B3GNT7: variants seen among roughly 807,000 people sequenced by gnomAD.
B3GNT7 encodes BGnT-7.
B3GNT7 carries 9 observed loss-of-function variants against 5.1 expected under a neutral mutation model. That is an observed-to-expected ratio of 1.77 (90% CI 1.07 to 3.09). The LOEUF is 3.09. B3GNT7 is among the 30% of genes most tolerant of loss of function. The pLI, the probability that B3GNT7 is intolerant of heterozygous loss-of-function variation, is 0.00. For synonymous variants in B3GNT7, 253 were observed against 248.6 expected (o/e 1.02, Z -0.17); for missense variants, 468 against 550.8 (o/e 0.85, Z 1.50).
In B3GNT7 at chr2:231,400,763, C is replaced by A. The variant is rs568648206; in HGVS notation, c.*1838C>A. 1 of 152,188 alleles carries A rather than the reference C, an allele frequency of 6.6e-6. No homozygotes were observed. Among genetic ancestry groups the A allele is most frequent in the Non-Finnish European group, 1.5e-5 (1 of 68,036 alleles). The allele number at this position is 152,188 out of a possible 1,614,324, so 9.4% of individuals were successfully genotyped here. A position where few individuals can be genotyped will look rare whatever the true frequency, so the allele number is the denominator to read the frequency against. On this transcript the variant is annotated 3_prime_UTR_variant, in exon 2 of 2. Transcript: ENST00000287590. ...GTTGTCCTTCCCAGCTTCTCCCCAACCTCCCCTTTTCCCTAGTTTATAAGA... is the reference window on the plus strand; with the variant it reads ...GTTGTCCTTCCCAGCTTCTCCCCAAACTCCCCTTTTCCCTAGTTTATAAGA...
chr2:231,397,198 G>A (rs747546503), intron 1 of B3GNT7: 579 of 985,614 alleles, frequency 5.9e-4, no homozygotes, highest in Middle Eastern at 1.0e-3. Flanking sequence ...GCTCCCGGGC[G>A]GCACAGAGGA....
At position 231,398,638 on chromosome 2, in the gene B3GNT7, G is replaced by T; in HGVS notation, c.919G>T (p.Gly307Cys). ...AGGCGGCGGTGGCTTCCTCATGGCC[G>T]GCAGCCTGGCCCGGCGCCTGCACCA... is the stretch of plus-strand genomic sequence containing the variant. ...YAGGGGFLMA[G>C]SLARRLHHAC... The change falls in exon 2 of 2, where the codon GGC becomes TGC. Residue 307 changes from glycine (G) to cysteine (C), a missense_variant. By Grantham distance (159) the Gly-to-Cys change is radical (BLOSUM62 -3). Transcript: ENST00000287590. 1.2e-6 allele frequency: 2 copies of T among 1,612,016 alleles called. No homozygotes were observed. The highest frequency in any genetic ancestry group is 1.7e-6 in the Non-Finnish European group (2 of 1,179,592).
chr2:231,398,808 G>A lies in B3GNT7; in HGVS notation c.1089G>A (p.Glu363=). ...ACCGCAACAGCCGCATGAACAAGGA[G>A]CCGTGCTTTTTCCGCGCCATGCTCG... ...SRNRNSRMNK[E]PCFFRAMLVV... The change falls in exon 2 of 2, where the codon GAG becomes GAA. Residue 363 remains glutamate, a synonymous_variant. Coordinates refer to ENST00000287590, the MANE Select transcript of B3GNT7 (RefSeq NM_145236.3). The A allele has an allele frequency of 1.9e-6, 3 of 1,605,598 alleles. No individual in the cohort carries two copies. The highest frequency in any genetic ancestry group is 2.5e-6 in the Non-Finnish European group (3 of 1,179,842).
chr2:231,398,797 AT>A lies in B3GNT7; in HGVS notation c.1079del (p.Met360ArgfsTer57). On this transcript the variant is annotated frameshift_variant, in exon 2 of 2. Transcript: ENST00000287590. LOFTEE classifies it high-confidence loss of function. Reference sequence around the variant, plus strand: ...CATCTCCCGGAACCGCAACAGCCGCATGAACAAGGAGCCGTGCTTTTTCCGC... The same window carrying A: ...CATCTCCCGGAACCGCAACAGCCGCAGAACAAGGAGCCGTGCTTTTTCCGC... ...FGISRNRNSRMNKEPCFFRAM... is the reference protein window; with the variant it reads ...FGISRNRNSRXNKEPCFFRAM... 1 of 1,606,406 alleles carries A rather than the reference AT, an allele frequency of 6.2e-7. No individual in the cohort carries two copies. Among genetic ancestry groups the A allele is most frequent in the Non-Finnish European group, 8.5e-7 (1 of 1,179,840 alleles).
rs2046550716 is a variant in B3GNT7 at position 231,400,079 on chromosome 2, T to G, written c.*1154T>G. The G allele has an allele frequency of 6.7e-6, 1 of 149,368 alleles. No homozygotes were observed. Among genetic ancestry groups the G allele is most frequent in the Admixed American group, 6.7e-5 (1 of 14,948 alleles). The allele number at this position is 149,368 out of a possible 1,614,324, so 9.3% of individuals were successfully genotyped here. On this transcript the variant is annotated 3_prime_UTR_variant, in exon 2 of 2. Transcript: ENST00000287590. ...AAAGATGGAGGGATTGACACTATTT[T>G]CTCAATAAAATGGGACTTTTTTTTT...
chr2:231,399,136 T>G lies in B3GNT7; in HGVS notation c.*211T>G. The G allele has an allele frequency of 1.7e-6, 1 of 585,778 alleles. No individual in the cohort carries two copies. The highest frequency in any genetic ancestry group is 3.0e-6 in the Non-Finnish European group (1 of 331,860). 36.3% of individuals were successfully genotyped at this position (585,778 alleles called of 1,614,324 possible). A position where few individuals can be genotyped will look rare whatever the true frequency, so the allele number is the denominator to read the frequency against. ...CTAGGAAACTGAGGCCCAGGAACGG[T>G]TGGAGCTGCCCAGTCTGGAGGCCCT... On this transcript the variant is annotated 3_prime_UTR_variant, in exon 2 of 2. Transcript: ENST00000287590.
rs1277760651 is a variant in B3GNT7 at position 231,400,053 on chromosome 2, G to GAAA, written c.*1129_*1131dup. On this transcript the variant is annotated 3_prime_UTR_variant, in exon 2 of 2. Transcript: ENST00000287590. ...TCCTACCTCAGCGGGAGTCACCTAG[G>GAAA]AAAGATGGAGGGATTGACACTATTT... 1 of 149,548 alleles carries GAAA rather than the reference G, an allele frequency of 6.7e-6. No individual in the cohort carries two copies. The highest frequency in any genetic ancestry group is 1.5e-5 in the Non-Finnish European group (1 of 67,672). 9.3% of individuals were successfully genotyped at this position (149,548 alleles called of 1,614,324 possible). A position where few individuals can be genotyped will look rare whatever the true frequency, so the allele number is the denominator to read the frequency against.
chr2:231,396,504 T>G (rs1223072626), intron 1 of B3GNT7, among the ~76,000 whole-genome samples: 1 of 152,170 alleles, frequency 6.6e-6, no homozygotes, highest in Non-Finnish European at 1.5e-5. Flanking sequence ...CCCAGCAACC[T>G]GGGGACCCTA....
rs374333504 is a variant in B3GNT7 at position 231,398,637 on chromosome 2, C to T, written c.918C>T (p.Ala306=). 3.7e-6 allele frequency: 6 copies of T among 1,611,960 alleles called. No individual in the cohort carries two copies. In the African/African-American group the frequency reaches 4.0e-5, roughly 11 times the overall value. The part of the protein sequence containing the change: ...PYAGGGGFLM[A]GSLARRLHHA... ...CAGGCGGCGGTGGCTTCCTCATGGCCGGCAGCCTGGCCCGGCGCCTGCACC... is the reference window on the plus strand; with the variant it reads ...CAGGCGGCGGTGGCTTCCTCATGGCTGGCAGCCTGGCCCGGCGCCTGCACC... Residue 306 remains alanine, a synonymous_variant, in exon 2 of 2, where the codon GCC becomes GCT. Transcript: ENST00000287590.
In B3GNT7 at chr2:231,401,033, G is replaced by A. The variant is rs1267972502; in HGVS notation, c.*2108G>A. The A allele has an allele frequency of 6.6e-6, 1 of 152,192 alleles. No individual in the cohort carries two copies. Among genetic ancestry groups the A allele is most frequent in the East Asian group, 1.9e-4 (1 of 5,198 alleles). The allele number at this position is 152,192 out of a possible 1,614,324, so 9.4% of individuals were successfully genotyped here. ...TCCTCACGCTTACTTGATCTATTAT[G>A]ACCCTTTCACGTGGACCCCTTAGAG... is the stretch of plus-strand genomic sequence containing the variant. On this transcript the variant is annotated 3_prime_UTR_variant, in exon 2 of 2. Transcript: ENST00000287590.
chr2:231,396,035 A>T (rs1039542328), intron 1 of B3GNT7, among the ~76,000 whole-genome samples: 1 of 151,666 alleles, frequency 6.6e-6, no homozygotes, highest in Non-Finnish European at 1.5e-5. Context: ...GGGGACGTCG[A>T]GGGGTCTCGG....
At position 231,397,287 on chromosome 2, in the gene B3GNT7, G is replaced by A. The variant is rs1245542133; in HGVS notation, c.12-444G>A. Reference sequence around the variant, plus strand: ...ACCTACTGCTGTGGGTAGGTACACCGCAGGGAAATGAAAGGCATTGGGGTT... The same window carrying A: ...ACCTACTGCTGTGGGTAGGTACACCACAGGGAAATGAAAGGCATTGGGGTT... On this transcript the variant is annotated intron_variant, in intron 1 of 1. Transcript: ENST00000287590. 34 of 989,958 alleles carry A rather than the reference G, an allele frequency of 3.4e-5. No individual in the cohort carries two copies. The Admixed American group carries it at 3.6e-4, about 10-fold the overall frequency. The allele number at this position is 989,958 out of a possible 1,614,324, so 61.3% of individuals were successfully genotyped here.
rs1273124247 is a variant in B3GNT7, at chr2:231,399,023, C to T, written c.*98C>T. ...GTGCCCAGGCCTAGCCTTTGGTCCCCAAGGGGAGGTGGAGGGTTGAGGCCT... is the reference window on the plus strand; with the variant it reads ...GTGCCCAGGCCTAGCCTTTGGTCCCTAAGGGGAGGTGGAGGGTTGAGGCCT... On this transcript the variant is annotated 3_prime_UTR_variant, in exon 2 of 2. Transcript: ENST00000287590. 4 of 1,140,460 alleles carry T rather than the reference C, an allele frequency of 3.5e-6. No homozygotes were observed. Among genetic ancestry groups the T allele is most frequent in the Non-Finnish European group, 4.8e-6 (4 of 828,134 alleles). 70.6% of individuals were successfully genotyped at this position (1,140,460 alleles called of 1,614,324 possible). A position where few individuals can be genotyped will look rare whatever the true frequency, so the allele number is the denominator to read the frequency against.
Position 231,398,385 on chromosome 2 carries a change from C to T in B3GNT7, c.666C>T (p.Phe222=), listed in dbSNP as rs773097955. 2.5e-6 allele frequency: 4 copies of T among 1,613,712 alleles called. No homozygotes were observed. The highest frequency in any genetic ancestry group is 3.4e-6 in the Non-Finnish European group (4 of 1,179,876). The change falls in exon 2 of 2, where the codon TTC becomes TTT. Residue 222 remains phenylalanine (F), a synonymous_variant. Coordinates refer to ENST00000287590, the MANE Select transcript of B3GNT7 (RefSeq NM_145236.3). ...ACCTGACCCTCAAGGAGATCCACTT[C>T]CTCAAGTGGCTGGACATCTACTGCC... ...FFNLTLKEIH[F]LKWLDIYCPH...
In B3GNT7 at chr2:231,399,284, T is replaced by C. The variant is rs1030031600; in HGVS notation, c.*359T>C. 2.9e-5 allele frequency: 8 copies of C among 276,786 alleles called. No individual in the cohort carries two copies. The highest frequency in any genetic ancestry group is 1.7e-4 in the African/African-American group (8 of 46,014). 17.1% of individuals were successfully genotyped at this position (276,786 alleles called of 1,614,324 possible). ...GAACGCTGTGCTCAGGTACCTGGGCTAGGCCTGGCCTGATGGGTCTGTGGC... is the reference window on the plus strand; with the variant it reads ...GAACGCTGTGCTCAGGTACCTGGGCCAGGCCTGGCCTGATGGGTCTGTGGC... On this transcript the variant is annotated 3_prime_UTR_variant, in exon 2 of 2. Coordinates refer to ENST00000287590, the MANE Select transcript of B3GNT7 (RefSeq NM_145236.3).
chr2:231,400,460 C>A lies in B3GNT7; in HGVS notation c.*1535C>A, dbSNP rs909302999. The A allele has an allele frequency of 6.6e-6, 1 of 152,240 alleles. No homozygotes were observed. Among genetic ancestry groups the A allele is most frequent in the African/African-American group, 2.4e-5 (1 of 41,438 alleles). The allele number at this position is 152,240 out of a possible 1,614,324, so 9.4% of individuals were successfully genotyped here. A position where few individuals can be genotyped will look rare whatever the true frequency, so the allele number is the denominator to read the frequency against. On this transcript the variant is annotated 3_prime_UTR_variant, in exon 2 of 2. Coordinates refer to ENST00000287590, the MANE Select transcript of B3GNT7 (RefSeq NM_145236.3). ...TTTCAGTGGGTGAGATTAGGTCGGC[C>A]GTACAGAGGCCGGTGGGCTCCCTGA...
Position 231,399,036 on chromosome 2 carries a change from AG to A in B3GNT7, c.*114del. Reference sequence around the variant, plus strand: ...GCCTTTGGTCCCCAAGGGGAGGTGGAGGGTTGAGGCCTACGTGCCACTGGGT... The same window carrying A: ...GCCTTTGGTCCCCAAGGGGAGGTGGAGGTTGAGGCCTACGTGCCACTGGGT... On this transcript the variant is annotated 3_prime_UTR_variant, in exon 2 of 2. Transcript: ENST00000287590. 1.0e-6 allele frequency: 1 copy of A among 981,358 alleles called. No homozygotes were observed. The highest frequency in any genetic ancestry group is 1.7e-5 in the South Asian group (1 of 58,618). The allele number at this position is 981,358 out of a possible 1,614,324, so 60.8% of individuals were successfully genotyped here.
Position 231,397,727 on chromosome 2 carries a change from A to G in B3GNT7, c.12-4A>G. 1.9e-6 allele frequency: 3 copies of G among 1,606,866 alleles called. No individual in the cohort carries two copies. The highest frequency in any genetic ancestry group is 1.3e-5 in the African/African-American group (1 of 74,776). The stretch of plus-strand genomic sequence containing the variant: ...TCCTCTGTACTGTCCGCTCTCCCCC[A>G]CAGGAAGAAAACCGTCTACCGGAGT... On this transcript the variant is annotated splice_region_variant and splice_polypyrimidine_tract_variant and intron_variant, in intron 1 of 1. Transcript: ENST00000287590.
rs1199588925 is a variant in B3GNT7 at position 231,397,950 on chromosome 2, G to A, written c.231G>A (p.Gln77=). The change falls in exon 2 of 2, where the codon CAG becomes CAA. Residue 77 remains glutamine, a synonymous_variant. Coordinates refer to ENST00000287590, the MANE Select transcript of B3GNT7 (RefSeq NM_145236.3). The stretch of plus-strand genomic sequence containing the variant: ...CTGCGCCCACGCCCATGGCCTCTCA[G>A]GGGCCCCAGGCCTGGGACGTGACCA... ...DVAAPTPMAS[Q]GPQAWDVTTT... 1.2e-6 allele frequency: 2 copies of A among 1,612,972 alleles called. No individual in the cohort carries two copies. The highest frequency in any genetic ancestry group is 1.3e-5 in the African/African-American group (1 of 75,064).
Sources: allele counts gnomAD v4.1 joint callset (sites outside exome capture counted in the v4.1 genomes callset), GRCh38; gene constraint gnomAD v4.1.1; transcripts MANE v1.5; gene names NCBI Gene and HGNC (gene_info 2026-07-23, HGNC 2026-07-21).